Variants in RYR3 observed in about 807,000 individuals in gnomAD.
RYR3 encodes brain ryanodine receptor-calcium release channel.
RYR3 carries 207 observed loss-of-function variants against 584.3 expected under a neutral mutation model. The ratio of observed to expected loss-of-function variants is 0.35; its 90% CI spans 0.32 to 0.40. The LOEUF (loss-of-function observed/expected upper bound fraction) is 0.40. Among genes scored for constraint, RYR3 ranks in the 10% least tolerant of loss-of-function variants. The pLI is 1.00. For synonymous variants in RYR3, 2,416 were observed against 2,248.5 expected (o/e 1.07, Z -2.11); for missense variants, 5,616 against 6,089.2 (o/e 0.92, Z 2.59).
At position 33,647,474 on chromosome 15, in the gene RYR3, C is replaced by T; in HGVS notation, c.3978+14C>T. Reference sequence around the variant, plus strand: ...CATACAACAACAGTAAGTAAATGTGCTCAATTATGGTTTTAATTATTTGAT... The same window carrying T: ...CATACAACAACAGTAAGTAAATGTGTTCAATTATGGTTTTAATTATTTGAT... On this transcript the variant is annotated intron_variant, in intron 30 of 103. Coordinates refer to ENST00000634891, the MANE Select transcript of RYR3 (RefSeq NM_001036.6). The T allele has an allele frequency of 6.3e-7, 1 of 1,579,406 alleles. No individual in the cohort carries two copies. The highest frequency in any genetic ancestry group is 8.7e-7 in the Non-Finnish European group (1 of 1,148,872).
chr15:33,662,218 G>A lies in RYR3; in HGVS notation c.4688G>A (p.Arg1563Lys), dbSNP rs367753703. The change falls in exon 35 of 104, where the codon AGG (arginine) becomes AAG (lysine). Residue 1563 changes from arginine (R) to lysine (K), a missense_variant. Physicochemically the swap from Arg to Lys is conservative, Grantham distance 26. This residue lies in a region of RYR3 where 753 missense variants were observed against 741.0 expected (regional missense o/e 1.02). Coordinates refer to ENST00000634891, the MANE Select transcript of RYR3 (RefSeq NM_001036.6). ...ATGCGGTTCCATTACCACACGCTGA[G>A]GCTCTACAGCGCGGTGTGCGCCCTG... ...DLMRFHYHTL[R>K]LYSAVCALGN... is the part of the protein sequence containing the mutation. 2.5e-6 allele frequency: 4 copies of A among 1,608,738 alleles called. No homozygotes were observed. The highest frequency in any genetic ancestry group is 3.4e-5 in the Admixed American group (2 of 59,328).
rs761334490 is a variant in RYR3, at chr15:33,646,540, C to T, written c.3941+14C>T. 2 of 1,597,500 alleles carry T rather than the reference C, an allele frequency of 1.3e-6. No homozygotes were observed. Among genetic ancestry groups the T allele is most frequent in the Non-Finnish European group, 1.7e-6 (2 of 1,169,202 alleles). ...TTTCCAGAAAAGGTGAGGGTGAGGC[C>T]TCCAGTTCTCAGAGGCACTCATTGT... On this transcript the variant is annotated intron_variant, in intron 29 of 103. Transcript: ENST00000634891.
At chr15:33,726,364 C>G in intron 45 of RYR3, 22 bp from the exon 46 acceptor site, 1 of 1,612,402 alleles carries the variant, frequency 6.2e-7, no homozygotes, top group Non-Finnish European at 8.5e-7. Context: ...TATCTAATGT[C>G]ATTCTCAACC....
At chr15:33,711,460 G>GTC (rs571766614) in intron 43 of RYR3, among the ~76,000 whole-genome samples, 125 of 152,060 alleles carry the variant, frequency 8.2e-4, no homozygotes, top group African/African-American at 2.9e-3. Flanking sequence ...AGCCAGGATG[G>GTC]TCTCAATCTC....
In RYR3 at chr15:33,696,487, C is replaced by G; in HGVS notation, c.6130C>G (p.Leu2044Val). 1.2e-6 allele frequency: 2 copies of G among 1,613,848 alleles called. No individual in the cohort carries two copies. Among genetic ancestry groups the G allele is most frequent in the Non-Finnish European group, 1.7e-6 (2 of 1,179,802 alleles). The change falls in exon 39 of 104, where the codon CTG (leucine) becomes GTG (valine). Residue 2044 changes from leucine to valine, a missense_variant. Physicochemically the swap from Leu to Val is conservative, Grantham distance 32. Around this residue, in one of 9 missense-constraint regions of RYR3, gnomAD observed 1,280 missense variants for 1,426.2 expected, o/e 0.90. Transcript: ENST00000634891. ...AGAGGAGTTGCTCATGATCAATGGGCTGGGGTAGGTGATTCACGGTTACGT... is the reference window on the plus strand; with the variant it reads ...AGAGGAGTTGCTCATGATCAATGGGGTGGGGTAGGTGATTCACGGTTACGT... The part of the protein sequence containing the change: ...KEEELLMING[L>V]GDIMNNKVFY...
intron 1 of RYR3, among the ~76,000 whole-genome samples, chr15:33,454,589 C>T (rs957984833): frequency 4.6e-5 from 7 of 152,202 alleles, no homozygotes; most frequent in East Asian, 3.9e-4. Context: ...AGCGAAACAG[C>T]GGTTAAGGTA....
intron 18 of RYR3, among the ~76,000 whole-genome samples, chr15:33,604,849 G>C (rs2059832955): frequency 6.6e-6 from 1 of 152,204 alleles, no homozygotes; most frequent in Admixed American, 6.5e-5. Flanking sequence ...GAAATGATCT[G>C]AGAAGAAAGA....
At chr15:33,684,868 C>T (rs1284589389) in intron 38 of RYR3, among the ~76,000 whole-genome samples, 2 of 152,172 alleles carry the variant, frequency 1.3e-5, no homozygotes. Flanking sequence ...GAAGGAGAAA[C>T]AAAATCCTTT....
intron 20 of RYR3, among the ~76,000 whole-genome samples, chr15:33,626,717 C>T (rs964909007): frequency 1.3e-5 from 2 of 152,160 alleles, no homozygotes; most frequent in African/African-American, 4.8e-5. Flanking sequence ...CCACTTCACT[C>T]CAGCTATGGC....
At position 33,539,370 on chromosome 15, in the gene RYR3, A is replaced by G. The variant is rs780128168; in HGVS notation, c.454A>G (p.Ile152Val). Reference sequence around the variant, plus strand: ...TGTAGGAGAAGCCTGTTGGTGGACTATACATCCTGCTTCCAAACAGAGGTC... The same window carrying G: ...TGTAGGAGAAGCCTGTTGGTGGACTGTACATCCTGCTTCCAAACAGAGGTC... ...HATGEACWWTIHPASKQRSEG... is the reference protein window; with the variant it reads ...HATGEACWWTVHPASKQRSEG... The change falls in exon 6 of 104, where the codon ATA becomes GTA. Residue 152 changes from isoleucine (I) to valine (V), a missense_variant. By Grantham distance (29) the Ile-to-Val change is conservative. Coordinates refer to ENST00000634891, the MANE Select transcript of RYR3 (RefSeq NM_001036.6). 1.8e-5 allele frequency: 28 copies of G among 1,595,868 alleles called. No homozygotes were observed. The highest frequency in any genetic ancestry group is 2.3e-5 in the East Asian group (1 of 44,246).
In RYR3 at chr15:33,450,431, CT is replaced by C. The variant is rs2047025942; in HGVS notation, c.52-22986del. On this transcript the variant is annotated intron_variant, in intron 1 of 103. Coordinates refer to ENST00000634891, the MANE Select transcript of RYR3 (RefSeq NM_001036.6). ...CTGTAGCTTTGCAAGCAGCAAGACG[CT>C]TCTGCCGCCCGCCCTCATCTCAAGC... 2.6e-5 allele frequency among the ~76,000 whole-genome samples: 4 copies of C among 152,206 alleles called. No individual in the cohort carries two copies. In the South Asian group the frequency reaches 8.3e-4, roughly 32 times the overall value.
chr15:33,785,723 G>A lies in RYR3; in HGVS notation c.9330G>A (p.Leu3110=), dbSNP rs769000045. Residue 3110 remains leucine (L), a synonymous_variant, in exon 66 of 104, where the codon CTG becomes CTA. Coordinates refer to ENST00000634891, the MANE Select transcript of RYR3 (RefSeq NM_001036.6). ...MCPDIPQLEG[L]MKEINDLAES... Reference sequence around the variant, plus strand: ...CTGACATCCCCCAGCTGGAAGGCCTGATGAAGGAAATCAACGACCTGGCCG... The same window carrying A: ...CTGACATCCCCCAGCTGGAAGGCCTAATGAAGGAAATCAACGACCTGGCCG... The A allele has an allele frequency of 6.8e-6, 11 of 1,613,664 alleles. No homozygotes were observed. Among genetic ancestry groups the A allele is most frequent in the African/African-American group, 1.3e-5 (1 of 74,924 alleles).
At chr15:33,367,498 CA>C (rs747083122) in intron 1 of RYR3, among the ~76,000 whole-genome samples, 18 of 152,200 alleles carry the variant, frequency 1.2e-4, no homozygotes, top group Non-Finnish European at 2.2e-4. Context: ...ATCTAACCTT[CA>C]CACAGTTTGT....
chr15:33,685,602 T>C (rs2064949176), intron 38 of RYR3, among the ~76,000 whole-genome samples: 1 of 152,192 alleles, frequency 6.6e-6, no homozygotes, highest in African/African-American at 2.4e-5. Flanking sequence ...ATAATAGACA[T>C]CTACAGAACT....
intron 1 of RYR3, among the ~76,000 whole-genome samples, chr15:33,435,683 G>A (rs754255690): frequency 1.3e-5 from 2 of 152,164 alleles, no homozygotes; most frequent in African/African-American, 2.4e-5. Context: ...AGCTCTTAAA[G>A]GTGGCATGTC....
intron 1 of RYR3, among the ~76,000 whole-genome samples, chr15:33,375,925 G>A (rs530174731): frequency 5.3e-5 from 8 of 152,180 alleles, no homozygotes; most frequent in African/African-American, 1.7e-4. Flanking sequence ...TTAGCTGGGC[G>A]TGGTGGCGGG....
chr15:33,490,832 GA>G (rs1487916909), intron 2 of RYR3, among the ~76,000 whole-genome samples: 1 of 151,100 alleles, frequency 6.6e-6, no homozygotes, highest in Non-Finnish European at 1.5e-5. Flanking sequence ...TTTTTGACTT[GA>G]AAAATGAGCC....
chr15:33,635,352 A>G (rs908576486), intron 25 of RYR3, among the ~76,000 whole-genome samples: 2 of 152,184 alleles, frequency 1.3e-5, no homozygotes, highest in Non-Finnish European at 2.9e-5. Flanking sequence ...AATATTAGCT[A>G]CCTCATAGGA....
intron 1 of RYR3, among the ~76,000 whole-genome samples, chr15:33,451,701 A>G (rs1416042628): frequency 1.3e-5 from 2 of 152,250 alleles, no homozygotes; most frequent in Non-Finnish European, 2.9e-5. Flanking sequence ...GGAAGATGGA[A>G]TCCCATGCAA....
Sources: allele counts gnomAD v4.1 joint callset (sites outside exome capture counted in the v4.1 genomes callset), GRCh38; gene constraint gnomAD v4.1.1; regional missense constraint gnomAD v4.1.1; transcripts MANE v1.5; gene names NCBI Gene and HGNC (gene_info 2026-07-23, HGNC 2026-07-21).